SLC6A11: variants seen among roughly 807,000 people sequenced by gnomAD.
The protein encoded by SLC6A11 is sodium- and chloride-dependent GABA transporter 3.
A neutral mutation model predicts 74.8 loss-of-function variants in SLC6A11; 25 were observed. The observed-to-expected ratio is 0.33, with a 90% CI of 0.24 to 0.47. SLC6A11 has a LOEUF of 0.47. Ranked by LOEUF, SLC6A11 falls within the 20% of genes least tolerant of loss-of-function variation. The probability of loss-of-function intolerance (pLI) is 1.00; values close to 1 mark genes in which losing one functional copy is unlikely to be tolerated. For synonymous variants in SLC6A11, 330 were observed against 330.2 expected, an observed-to-expected ratio of 1.00 and a Z score of 0.01; for missense variants, 574 against 837.0, an observed-to-expected ratio of 0.69 and a Z score of 3.88.
chr3:10,913,388 TG>T (rs1695412576), intron 7 of SLC6A11, among the ~76,000 whole-genome samples: 1 of 152,178 alleles, frequency 6.6e-6, no homozygotes, highest in African/African-American at 2.4e-5. Context: ...AAAGTGAGAC[TG>T]GGAAGTCAGA....
At position 10,839,630 on chromosome 3, in the gene SLC6A11, G is replaced by A. The variant is rs145682365; in HGVS notation, c.624-4584G>A. Among the ~76,000 whole-genome samples the A allele has an allele frequency of 6.2e-3, 941 of 152,132 alleles. 5 individuals are homozygous for A. Among genetic ancestry groups the A allele is most frequent in the Non-Finnish European group, 9.5e-3 (648 of 67,998 alleles). On this transcript the variant is annotated intron_variant, in intron 4 of 13. Transcript: ENST00000254488. ...GGCCCCATCTTTCCCCCTTCTTCAG[G>A]TCTCCCAGGATACCCCAAAGGCTGA...
At chr3:10,831,643 C>T (rs1439284793) in intron 4 of SLC6A11, among the ~76,000 whole-genome samples, 1 of 151,992 alleles carries the variant, frequency 6.6e-6, no homozygotes, top group African/African-American at 2.4e-5. Flanking sequence ...TTACTTTTTG[C>T]TTTGTACTTT....
At chr3:10,928,110 A>G (rs760663781) in intron 9 of SLC6A11, among the ~76,000 whole-genome samples, 8 of 152,218 alleles carry the variant, frequency 5.3e-5, no homozygotes, top group Non-Finnish European at 8.8e-5. Context: ...TAGAGACTAC[A>G]TAAGTTAATG....
chr3:10,901,123 G>A (rs766264242), intron 6 of SLC6A11, among the ~76,000 whole-genome samples: 1 of 152,214 alleles, frequency 6.6e-6, no homozygotes, highest in African/African-American at 2.4e-5. Context: ...CTTTCCCTGA[G>A]TCTGCATGGA....
chr3:10,857,339 T>C (rs1003334758), intron 5 of SLC6A11, among the ~76,000 whole-genome samples: 2 of 152,130 alleles, frequency 1.3e-5, no homozygotes, highest in Non-Finnish European at 2.9e-5. Context: ...TGGGCCAGAC[T>C]TCAGAGTAGG....
chr3:10,873,707 C>A (rs1694868612), intron 5 of SLC6A11, among the ~76,000 whole-genome samples: 1 of 148,830 alleles, frequency 6.7e-6, no homozygotes, highest in African/African-American at 2.5e-5. Context: ...CCTATCCTAT[C>A]CTATCCTATC....
At chr3:10,856,108 A>G (rs796602341) in intron 5 of SLC6A11, among the ~76,000 whole-genome samples, 4 of 152,334 alleles carry the variant, frequency 2.6e-5, no homozygotes, top group African/African-American at 9.6e-5. Flanking sequence ...CGTGGCAGTC[A>G]CTCAACCAAT....
At chr3:10,912,062 A>G in intron 6 of SLC6A11, 28 bp from the exon 7 acceptor site, 2 of 1,483,022 alleles carry the variant, frequency 1.3e-6, no homozygotes, top group Non-Finnish European at 1.9e-6. Context: ...ACTTCTGTTT[A>G]TGCCAACATC....
In SLC6A11 at chr3:10,816,575, G is replaced by A; in HGVS notation, c.256+54G>A. The A allele has an allele frequency of 3.4e-6, 5 of 1,480,732 alleles. No individual in the cohort carries two copies. Among genetic ancestry groups the A allele is most frequent in the South Asian group, 1.3e-5 (1 of 74,486 alleles). The allele number at this position is 1,480,732 out of a possible 1,614,324, so 91.7% of individuals were successfully genotyped here. On this transcript the variant is annotated intron_variant, in intron 1 of 13. Coordinates refer to ENST00000254488, the MANE Select transcript of SLC6A11 (RefSeq NM_014229.3). This position sits in a 1 kb window ranked among gnomAD's most constrained non-coding sequence, Gnocchi z 4.2. ...GGGCGCCAACCGCCCGGTGGGGGCG[G>A]GGAGCCAGGGGCGAGCGCGAGACCC...
intron 10 of SLC6A11, among the ~76,000 whole-genome samples, chr3:10,931,954 G>A (rs577531138): frequency 2.5e-4 from 38 of 152,286 alleles, no homozygotes; most frequent in African/African-American, 8.2e-4. Context: ...CATGGCAGGC[G>A]CACAGGAGGC....
At chr3:10,830,754 G>T (rs1266160874) in intron 4 of SLC6A11, among the ~76,000 whole-genome samples, 1 of 152,154 alleles carries the variant, frequency 6.6e-6, no homozygotes, top group Non-Finnish European at 1.5e-5. Context: ...GAATGGCAAG[G>T]CAGTCAAAGA....
intron 6 of SLC6A11, among the ~76,000 whole-genome samples, chr3:10,888,116 A>G (rs1222638064): frequency 2.0e-5 from 3 of 152,252 alleles, no homozygotes; most frequent in Non-Finnish European, 4.4e-5. Context: ...TCAGAGCAGC[A>G]TGTGAATGCC....
chr3:10,871,791 G>T (rs1015575938), intron 5 of SLC6A11, among the ~76,000 whole-genome samples: 1 of 152,158 alleles, frequency 6.6e-6, no homozygotes, highest in Non-Finnish European at 1.5e-5. Flanking sequence ...GCAAGAGATT[G>T]TGTTGATTAC....
chr3:10,938,174 C>T (rs1695780292), intron 13 of SLC6A11, 76 bp from the exon 14 acceptor site: 5 of 1,409,148 alleles, frequency 3.5e-6, no homozygotes, highest in Non-Finnish European at 1.9e-6. Context: ...CCGCCGTGTG[C>T]TTGGGAGAGG....
At chr3:10,820,856 C>T (rs1463487161) in intron 3 of SLC6A11, among the ~76,000 whole-genome samples, 2 of 152,204 alleles carry the variant, frequency 1.3e-5, no homozygotes, top group Non-Finnish European at 2.9e-5. Context: ...GACCTATTCA[C>T]CATCTGTATG....
At chr3:10,902,038 G>T (rs997577816) in intron 6 of SLC6A11, among the ~76,000 whole-genome samples, 1 of 152,104 alleles carries the variant, frequency 6.6e-6, no homozygotes, top group Non-Finnish European at 1.5e-5. Context: ...TCAAGCCAAG[G>T]CTCTGCTTAC....
At chr3:10,891,409 G>A (rs1052415560) in intron 6 of SLC6A11, among the ~76,000 whole-genome samples, 5 of 152,156 alleles carry the variant, frequency 3.3e-5, no homozygotes, top group South Asian at 2.1e-4. Flanking sequence ...TATTAAGGGA[G>A]ATACCCTTAT....
chr3:10,827,519 C>G (rs1284096895), intron 4 of SLC6A11, among the ~76,000 whole-genome samples: 1 of 152,166 alleles, frequency 6.6e-6, no homozygotes, highest in East Asian at 1.9e-4. Flanking sequence ...CCTTGTGTGG[C>G]TGGTTTGGTG....
At chr3:10,931,696 C>T (rs1695689912) in intron 10 of SLC6A11, among the ~76,000 whole-genome samples, 1 of 152,238 alleles carries the variant, frequency 6.6e-6, no homozygotes, top group African/African-American at 2.4e-5. Flanking sequence ...AGCAACTGCC[C>T]TCCAGAGGTG....
Sources: allele counts gnomAD v4.1 joint callset (sites outside exome capture counted in the v4.1 genomes callset), GRCh38; gene constraint gnomAD v4.1.1; non-coding constraint Gnocchi (gnomAD v3.1); transcripts MANE v1.5; gene names NCBI Gene and HGNC (gene_info 2026-07-23, HGNC 2026-07-21).